Variants in LUC7L observed in about 807,000 individuals in gnomAD.
The protein encoded by LUC7L is LUC7 like, also known as putative RNA-binding protein Luc7-like 1.
Under a neutral mutation model 51.1 loss-of-function variants are expected in LUC7L, and 29 were observed. The ratio of observed to expected loss-of-function variants is 0.57; its 90% CI spans 0.42 to 0.77. LUC7L has a LOEUF of 0.77. LUC7L is among the 30% of genes least tolerant of loss of function. The pLI is 0.00. For synonymous variants in LUC7L, 181 were observed against 180.7 expected, an observed-to-expected ratio of 1.00 and a Z score of -0.01; for missense variants, 403 against 511.9, an observed-to-expected ratio of 0.79 and a Z score of 2.05.
In LUC7L at chr16:226,536, G is replaced by T. The variant is rs11248913; in HGVS notation, c.156+706C>A. On this transcript the variant is annotated intron_variant, in intron 2 of 9. Coordinates refer to ENST00000293872, the MANE Select transcript of LUC7L (RefSeq NM_201412.3). ...TTCTATATTCATTAGATAGCATGTT[G>T]ATTTCTTGAAGGGGTGGCACAACAC... Among the ~76,000 whole-genome samples, 1,404 of 152,248 alleles carry T rather than the reference G, an allele frequency of 9.2e-3. 15 individuals are homozygous for T. The highest frequency in any genetic ancestry group is 0.031 in the African/African-American group (1,291 of 41,540).
chr16:192,661 C>A (rs745906154), intron 7 of LUC7L, among the ~76,000 whole-genome samples: 6 of 152,034 alleles, frequency 3.9e-5, no homozygotes, highest in Non-Finnish European at 7.4e-5. Context: ...TGCCAGCACG[C>A]CCAGCTAATT....
intron 1 of LUC7L, chr16:228,183 GA>G (rs1160181991): frequency 7.9e-7 from 1 of 1,260,676 alleles, no homozygotes; most frequent in East Asian, 5.7e-5. Context: ...GCTAGAGGAG[GA>G]ATATATTTTA....
At chr16:198,814 G>GT (rs2049236291) in intron 6 of LUC7L, among the ~76,000 whole-genome samples, 1 of 151,810 alleles carries the variant, frequency 6.6e-6, no homozygotes, top group Admixed American at 6.6e-5. Flanking sequence ...AGCCTCCCGA[G>GT]TACCTAAGAT....
chr16:200,113 C>A (rs1422955007), intron 5 of LUC7L, among the ~76,000 whole-genome samples: 1 of 151,744 alleles, frequency 6.6e-6, no homozygotes, highest in Non-Finnish European at 1.5e-5. Flanking sequence ...CATAGCAAAA[C>A]CCTGTCTCTA....
At chr16:228,602 C>T (rs1248046609) in intron 1 of LUC7L, 4 of 1,190,440 alleles carry the variant, frequency 3.4e-6, no homozygotes, top group Non-Finnish European at 4.3e-6. Flanking sequence ...GAAAAGAAAA[C>T]ACAAACCACA....
At chr16:193,616 C>A (rs187166946) in intron 6 of LUC7L, among the ~76,000 whole-genome samples, 1 of 151,912 alleles carries the variant, frequency 6.6e-6, no homozygotes, top group Non-Finnish European at 1.5e-5. Flanking sequence ...TCTGCCTCAG[C>A]CTCCTGAGTA....
At chr16:204,283 G>C (rs960756216) in intron 5 of LUC7L, among the ~76,000 whole-genome samples, 7 of 131,052 alleles carry the variant, frequency 5.3e-5, no homozygotes, top group Non-Finnish European at 9.7e-5. Flanking sequence ...ATCCCTACTA[G>C]AAATGAAAAA....
At chr16:217,579 C>T (rs543095888) in intron 3 of LUC7L, among the ~76,000 whole-genome samples, 1 of 151,690 alleles carries the variant, frequency 6.6e-6, no homozygotes, top group East Asian at 2.0e-4. Flanking sequence ...TAGCGATGTG[C>T]ACCTGTAATC....
chr16:190,660 A>T, intron 7 of LUC7L, 90 bp from the exon 8 acceptor site: 1 of 1,152,314 alleles, frequency 8.7e-7, no homozygotes, highest in Non-Finnish European at 1.3e-6. Flanking sequence ...GCAGGCAATC[A>T]CCTGAGGTCA....
At chr16:215,007 C>T (rs1381406016) in intron 3 of LUC7L, among the ~76,000 whole-genome samples, 2 of 152,072 alleles carry the variant, frequency 1.3e-5, no homozygotes, top group East Asian at 3.9e-4. Flanking sequence ...GAGTTGGAGG[C>T]TACCGTGAGC....
Position 201,242 on chromosome 16 carries a change from T to TAAAA in LUC7L, c.511-2008_511-2005dup, listed in dbSNP as rs764945208. On this transcript the variant is annotated intron_variant, in intron 5 of 9. Transcript: ENST00000293872. The stretch of plus-strand genomic sequence containing the variant: ...TTTCCATTATAGTATGCTACATAAC[T>TAAAA]AAAAAAAAAAAAAAAAAAAAAAAAC... 1.4e-3 allele frequency among the ~76,000 whole-genome samples: 106 copies of TAAAA among 78,466 alleles called. 1 individual carries two copies. Among genetic ancestry groups the TAAAA allele is most frequent in the African/African-American group, 4.5e-3 (89 of 19,912 alleles). 51.5% of individuals were successfully genotyped at this position (78,466 alleles called of 152,430 possible).
At chr16:201,520 A>G (rs1452052247) in intron 5 of LUC7L, among the ~76,000 whole-genome samples, 1 of 151,858 alleles carries the variant, frequency 6.6e-6, no homozygotes, top group East Asian at 1.9e-4. Flanking sequence ...GCTCACTACA[A>G]GCTCTGCCTC....
chr16:200,120 T>G (rs1331665291), intron 5 of LUC7L, among the ~76,000 whole-genome samples: 1 of 151,540 alleles, frequency 6.6e-6, no homozygotes, highest in East Asian at 1.9e-4. Context: ...AAACCCTGTC[T>G]CTACTAAAAA....
rs1291255902 is a variant in LUC7L at position 209,749 on chromosome 16, G to A, written c.256-1561C>T. ...TAAGTCACCGCTCCTAAAACAGACA[G>A]GAGACAGTAGGTCAGCTGTAATAAA... On this transcript the variant is annotated intron_variant, in intron 3 of 9. Transcript: ENST00000293872. 3.3e-5 allele frequency: 5 copies of A among 152,170 alleles called. No individual in the cohort carries two copies. In the East Asian group the frequency reaches 7.7e-4, roughly 23 times the overall value. 9.4% of individuals were successfully genotyped at this position (152,170 alleles called of 1,614,324 possible).
chr16:193,097 T>C (rs1300913711), intron 6 of LUC7L, 82 bp from the exon 7 acceptor site: 6 of 1,046,848 alleles, frequency 5.7e-6, no homozygotes, highest in African/African-American at 3.1e-5. Context: ...CACCTTTATA[T>C]GAGCTCAGTA....
rs193073106 is a variant in LUC7L at position 206,440 on chromosome 16, T to C, written c.367-293A>G. On this transcript the variant is annotated intron_variant, in intron 4 of 9. Transcript: ENST00000293872. ...TTATGACTTTTTCTTCTGGGTATGG[T>C]AATAAAATGCCTAGGTTTAAATGTA... is the stretch of plus-strand genomic sequence containing the variant. Among the ~76,000 whole-genome samples, 4 of 152,320 alleles carry C rather than the reference T, an allele frequency of 2.6e-5. No homozygotes were observed. In the East Asian group the frequency reaches 5.8e-4, roughly 22 times the overall value.
chr16:190,054 T>A lies in LUC7L; in HGVS notation c.888A>T (p.Arg296=), dbSNP rs2048970549. ...GGCTGCGGTGGCGCCGATGTCTATC[T>A]CGGGACCGGGACCGGGACAATTTCC... The part of the protein sequence containing the change: ...ERRKLSRSRS[R]DRHRRHRSRS... Residue 296 remains arginine, a synonymous_variant, in exon 9 of 10, where the codon CGA becomes CGT. Transcript: ENST00000293872. 1 of 1,613,720 alleles carries A rather than the reference T, an allele frequency of 6.2e-7. No homozygotes were observed. The highest frequency in any genetic ancestry group is 8.5e-7 in the Non-Finnish European group (1 of 1,180,000).
intron 5 of LUC7L, among the ~76,000 whole-genome samples, chr16:204,541 C>A (rs1157467753): frequency 6.6e-6 from 1 of 150,864 alleles, no homozygotes; most frequent in East Asian, 1.9e-4. Context: ...TTGCAGTGAA[C>A]TGAGATCGCA....
rs954934808 is a variant in LUC7L at position 194,943 on chromosome 16, C to T, written c.688-1928G>A. 3.3e-5 allele frequency among the ~76,000 whole-genome samples: 5 copies of T among 152,178 alleles called. No individual in the cohort carries two copies. In the East Asian group the frequency reaches 9.6e-4, roughly 29 times the overall value. ...TAAGACAAAGAATCACGAGTCTTCT[C>T]CATCCAGAGAGCCACGATGGCATAA... On this transcript the variant is annotated intron_variant, in intron 6 of 9. Transcript: ENST00000293872.
Sources: allele counts gnomAD v4.1 joint callset (sites outside exome capture counted in the v4.1 genomes callset), GRCh38; gene constraint gnomAD v4.1.1; transcripts MANE v1.5; gene names NCBI Gene and HGNC (gene_info 2026-07-23, HGNC 2026-07-21).